NPHP4: variants seen among roughly 807,000 people sequenced by gnomAD.
NPHP4 encodes the protein nephrocystin 4, also known as nephrocystin-4.
A neutral mutation model predicts 155.8 loss-of-function variants in NPHP4; 151 were observed. The observed-to-expected ratio is 0.97, with a 90% CI of 0.85 to 1.11. NPHP4 has a LOEUF of 1.11. Ranked by LOEUF, NPHP4 falls within the 50% of genes least tolerant of loss-of-function variation. The pLI is 0.00. For missense variants in NPHP4, 1,956 were observed against 1,925.7 expected, an observed-to-expected ratio of 1.02 and a Z score of -0.29; for synonymous variants, 845 against 816.8, an observed-to-expected ratio of 1.03 and a Z score of -0.59.
intron 1 of NPHP4, among the ~76,000 whole-genome samples, chr1:5,986,994 G>T (rs963499125): frequency 6.6e-6 from 1 of 152,082 alleles, no homozygotes; most frequent in South Asian, 2.1e-4. Context: ...GAAACTGCCC[G>T]GGGCCACCTT....
intron 16 of NPHP4, among the ~76,000 whole-genome samples, chr1:5,902,140 A>G (rs1221901354): frequency 2.0e-5 from 3 of 152,240 alleles, no homozygotes; most frequent in Non-Finnish European, 4.4e-5. Context: ...AGAGCAGCTC[A>G]ACTGACTGGG....
chr1:5,907,699 C>T (rs1182903918), intron 12 of NPHP4, among the ~76,000 whole-genome samples: 1 of 89,036 alleles, frequency 1.1e-5, no homozygotes, highest in Non-Finnish European at 2.2e-5. Context: ...GCCAACGTGG[C>T]ATTACCGTGG....
Position 5,890,774 on chromosome 1 carries a change from G to A in NPHP4, c.2304+94C>T, listed in dbSNP as rs1188514692. On this transcript the variant is annotated intron_variant, in intron 17 of 29. Transcript: ENST00000378156. This position sits in a 1 kb window ranked among gnomAD's most constrained non-coding sequence, Gnocchi z 4.9. ...TCAAACAAGTCCTGTGCGGGATAGC[G>A]CCCGCTCCTTCCAAGCAGACAGACG... 1.3e-5 allele frequency: 16 copies of A among 1,238,586 alleles called. No individual in the cohort carries two copies. The highest frequency in any genetic ancestry group is 2.3e-4 in the Middle Eastern group (1 of 4,264). 76.7% of individuals were successfully genotyped at this position (1,238,586 alleles called of 1,614,324 possible). A position where few individuals can be genotyped will look rare whatever the true frequency, so the allele number is the denominator to read the frequency against.
intron 6 of NPHP4, among the ~76,000 whole-genome samples, chr1:5,960,932 C>T (rs12083678): frequency 0.22 from 33,805 of 152,096 alleles, 4,693 homozygotes; most frequent in African/African-American, 0.39. Context: ...AGCCAGAAGG[C>T]GGAAGGCTCA....
intron 20 of NPHP4, 81 bp downstream of exon 20, chr1:5,877,012 G>T: frequency 1.0e-6 from 1 of 964,684 alleles, no homozygotes; most frequent in Non-Finnish European, 1.4e-6. Context: ...AGAGAATCAT[G>T]TGGGAGGCAG....
chr1:5,911,455 C>T (rs1234954610), intron 11 of NPHP4, among the ~76,000 whole-genome samples: 2 of 152,246 alleles, frequency 1.3e-5, no homozygotes, highest in Non-Finnish European at 2.9e-5. Context: ...CCCTCCGTGC[C>T]TGTGTGCGTC....
intron 6 of NPHP4, among the ~76,000 whole-genome samples, chr1:5,956,103 G>A (rs1319281071): frequency 6.8e-6 from 1 of 147,356 alleles, no homozygotes; most frequent in East Asian, 1.9e-4. Context: ...CTAAAATAAC[G>A]GAGGACAAAG....
chr1:5,874,410 A>G (rs1642334036), intron 22 of NPHP4, 61 bp downstream of exon 22: 1 of 1,412,582 alleles, frequency 7.1e-7, no homozygotes, highest in Non-Finnish European at 9.5e-7. Context: ...GACTGGAAGC[A>G]TTCTCAATTT....
chr1:5,991,977 G>A (rs1282937048), intron 1 of NPHP4, among the ~76,000 whole-genome samples: 2 of 151,214 alleles, frequency 1.3e-5, no homozygotes, highest in Non-Finnish European at 1.5e-5. Context: ...GGGCAGAAAG[G>A]AACCCACGTA....
chr1:5,964,935 A>ATTTTTTTTTTTTTTTTT (rs1476774217), intron 5 of NPHP4, among the ~76,000 whole-genome samples: 9 of 31,968 alleles, frequency 2.8e-4, no homozygotes, highest in Non-Finnish European at 3.7e-4. Context: ...ATATATATAT[A>ATTTTTTTTTTTTTTTTT]TATATATTTT....
intron 17 of NPHP4, among the ~76,000 whole-genome samples, chr1:5,887,920 A>ACAGAGAGGGCAGGGGAGG (rs1557658304): frequency 1.3e-5 from 2 of 152,194 alleles, no homozygotes; most frequent in African/African-American, 4.8e-5. Context: ...CAGGCCATGC[A>ACAGAGAGGGCAGGGGAGG]CAGAGAGGGC....
chr1:5,928,317 A>G (rs751559559), intron 10 of NPHP4, among the ~76,000 whole-genome samples: 1 of 152,276 alleles, frequency 6.6e-6, no homozygotes, highest in African/African-American at 2.4e-5. Context: ...CACATAATGT[A>G]TAACTTTTGA....
intron 9 of NPHP4, among the ~76,000 whole-genome samples, chr1:5,937,979 C>A (rs1284126026): frequency 2.0e-5 from 3 of 152,186 alleles, no homozygotes; most frequent in African/African-American, 4.8e-5. Context: ...ACAGGGCTGA[C>A]CCCTCGCAGG....
intron 9 of NPHP4, among the ~76,000 whole-genome samples, chr1:5,943,630 AACAG>A (rs1258875595): frequency 6.6e-6 from 1 of 152,234 alleles, no homozygotes; most frequent in Non-Finnish European, 1.5e-5. Flanking sequence ...GCCAGGGAAC[AACAG>A]ACAGGCCGCC....
At chr1:5,913,598 G>A (rs530532075) in intron 11 of NPHP4, among the ~76,000 whole-genome samples, 27 of 152,312 alleles carry the variant, frequency 1.8e-4, no homozygotes, top group South Asian at 4.1e-4. Context: ...TCCCAACCCC[G>A]GGAGGCCACG....
intron 11 of NPHP4, among the ~76,000 whole-genome samples, chr1:5,914,684 G>A (rs772100395): frequency 2.6e-5 from 4 of 152,314 alleles, no homozygotes; most frequent in Non-Finnish European, 4.4e-5. Context: ...AGATGCCTGC[G>A]CTATGACAGG....
intron 20 of NPHP4, 58 bp from the exon 21 acceptor site, chr1:5,875,158 G>A: frequency 2.3e-6 from 3 of 1,328,656 alleles, no homozygotes; most frequent in South Asian, 1.2e-5. Context: ...TCCACAAGGG[G>A]CTATTGCTGG....
chr1:5,984,623 G>A (rs1254902877), intron 2 of NPHP4, among the ~76,000 whole-genome samples: 2 of 152,196 alleles, frequency 1.3e-5, no homozygotes, highest in Non-Finnish European at 2.9e-5. Context: ...ATATTTACTT[G>A]TATTTGCTTA....
chr1:5,923,078 G>A lies in NPHP4; in HGVS notation c.1441+4571C>T, dbSNP rs981906465. 1.1e-4 allele frequency among the ~76,000 whole-genome samples: 16 copies of A among 152,318 alleles called. No homozygotes were observed. In the South Asian group the frequency reaches 2.7e-3, roughly 26 times the overall value. ...CGTATGGGAGAAAGACACACCAGGC[G>A]GAGAGCATGAGCCAAGACTCAAAAG... is the stretch of plus-strand genomic sequence containing the variant. On this transcript the variant is annotated intron_variant, in intron 11 of 29. Coordinates refer to ENST00000378156, the MANE Select transcript of NPHP4 (RefSeq NM_015102.5).
Sources: gnomAD v4.1 joint callset for allele counts (sites outside exome capture counted in the v4.1 genomes callset) on GRCh38, gnomAD v4.1.1 for gene constraint, Gnocchi (gnomAD v3.1) non-coding constraint, MANE v1.5 for transcripts, NCBI Gene and HGNC (gene_info 2026-07-23, HGNC 2026-07-21) for gene names.